Variants in PPARGC1A observed in about 807,000 individuals in gnomAD.
The protein encoded by PPARGC1A is peroxisome proliferator-activated receptor gamma coactivator 1-alpha.
PPARGC1A carries 25 observed loss-of-function variants against 88.7 expected under a neutral mutation model. That is an observed-to-expected ratio of 0.28 (90% confidence interval 0.21 to 0.39). PPARGC1A has a LOEUF of 0.39. PPARGC1A is among the 10% of genes least tolerant of loss of function. PPARGC1A has a pLI of 1.00. For synonymous variants in PPARGC1A, 363 were observed against 355.6 expected (o/e 1.02, Z -0.24); for missense variants, 880 against 968.7 (o/e 0.91, Z 1.22).
chr4:24,453,595 C>T, the PPARGC1A span, among the ~76,000 whole-genome samples: 3 of 152,160 alleles, frequency 2.0e-5, no homozygotes, highest in Non-Finnish European at 2.9e-5. Flanking sequence ...GCCTGACTAA[C>T]GTGGTAAAAC....
the PPARGC1A span, among the ~76,000 whole-genome samples, chr4:24,454,821 T>C: frequency 6.6e-6 from 1 of 151,626 alleles, no homozygotes; most frequent in African/African-American, 2.4e-5. Context: ...TAGTTCCGAG[T>C]CTCAGGCAAG....
At chr4:24,046,882 C>T in the PPARGC1A span, among the ~76,000 whole-genome samples, 1 of 152,028 alleles carries the variant, frequency 6.6e-6, no homozygotes, top group Admixed American at 6.6e-5. Flanking sequence ...GTTCTGGGGC[C>T]CTAGCAAATG....
chr4:24,343,331 G>A, the PPARGC1A span, among the ~76,000 whole-genome samples: 1 of 152,128 alleles, frequency 6.6e-6, no homozygotes, highest in Non-Finnish European at 1.5e-5. Context: ...AAGGCGATTG[G>A]GCCATAAGGA....
the PPARGC1A span, among the ~76,000 whole-genome samples, chr4:24,366,858 A>G: frequency 6.6e-6 from 1 of 152,142 alleles, no homozygotes; most frequent in Non-Finnish European, 1.5e-5. Context: ...AGTATTTTCC[A>G]CCCTTTTCTG....
At chr4:23,890,990 G>A (rs567285132), upstream of PPARGC1A, among the ~76,000 whole-genome samples, 20 of 152,096 alleles carry the variant, frequency 1.3e-4, no homozygotes, top group Non-Finnish European at 1.9e-4. Flanking sequence ...CCTGGGTTGT[G>A]TAGTTTGCGT....
the PPARGC1A span, among the ~76,000 whole-genome samples, chr4:24,104,485 G>C: frequency 6.6e-6 from 1 of 152,116 alleles, no homozygotes; most frequent in Non-Finnish European, 1.5e-5. Flanking sequence ...TTTGTGATCT[G>C]CCAGGCACAG....
At chr4:24,313,480 T>G in the PPARGC1A span, among the ~76,000 whole-genome samples, 1 of 152,240 alleles carries the variant, frequency 6.6e-6, no homozygotes, top group African/African-American at 2.4e-5. Flanking sequence ...TGTAAAAGGC[T>G]TCACATTGCG....
chr4:24,462,660 C>A, the PPARGC1A span, among the ~76,000 whole-genome samples: 2 of 151,238 alleles, frequency 1.3e-5, no homozygotes, highest in Non-Finnish European at 2.9e-5. Flanking sequence ...ATGTAAAGCA[C>A]TTTAAAATGT....
chr4:24,194,640 AC>A, the PPARGC1A span, among the ~76,000 whole-genome samples: 1 of 20,014 alleles, frequency 5.0e-5, no homozygotes, highest in Non-Finnish European at 1.4e-4. Context: ...GCACACACAC[AC>A]ACACACACAC....
At chr4:24,281,066 C>G in the PPARGC1A span, among the ~76,000 whole-genome samples, 1 of 152,160 alleles carries the variant, frequency 6.6e-6, no homozygotes, top group Non-Finnish European at 1.5e-5. Flanking sequence ...ATACATCTAT[C>G]CCATATACAA....
intron 2 of PPARGC1A, chr4:23,876,000 T>C (rs1426751096): frequency 6.6e-6 from 1 of 152,220 alleles, no homozygotes; most frequent in Non-Finnish European, 1.5e-5. Flanking sequence ...TTAAACACAA[T>C]GCTCAAGTTC....
At chr4:24,017,093 C>T in the PPARGC1A span, among the ~76,000 whole-genome samples, 9 of 152,246 alleles carry the variant, frequency 5.9e-5, no homozygotes, top group East Asian at 3.9e-4. Flanking sequence ...TATTGGAGAG[C>T]GTGGGCAGTT....
intron 2 of PPARGC1A, among the ~76,000 whole-genome samples, chr4:23,867,394 G>A (rs747435516): frequency 6.6e-6 from 1 of 152,096 alleles, no homozygotes; most frequent in Non-Finnish European, 1.5e-5. Context: ...TTGATAAATG[G>A]GTCAGTTTAA....
chr4:23,876,355 G>A (rs1280295273), intron 2 of PPARGC1A, among the ~76,000 whole-genome samples: 1 of 152,152 alleles, frequency 6.6e-6, no homozygotes, highest in Non-Finnish European at 1.5e-5. Context: ...TCTGATTTAG[G>A]TGTCTGTGTC....
At chr4:23,881,820 C>A (rs1363786057) in intron 2 of PPARGC1A, 2 of 152,208 alleles carry the variant, frequency 1.3e-5, no homozygotes, top group Non-Finnish European at 2.9e-5. Flanking sequence ...CAGGGCTTTG[C>A]AAATTGGAAG....
the PPARGC1A span, among the ~76,000 whole-genome samples, chr4:24,083,816 C>CA: frequency 6.6e-6 from 1 of 152,160 alleles, no homozygotes; most frequent in Non-Finnish European, 1.5e-5. Context: ...CTAGTTGATC[C>CA]TTCCAAGTAG....
the PPARGC1A span, among the ~76,000 whole-genome samples, chr4:24,387,850 A>AAGAG: frequency 5.5e-5 from 4 of 72,620 alleles, no homozygotes; most frequent in Admixed American, 1.6e-4. Flanking sequence ...GAGAGAGAGA[A>AAGAG]AGAGAGAAAG....
chr4:23,881,367 A>C (rs967926613), intron 2 of PPARGC1A: 1 of 152,160 alleles, frequency 6.6e-6, no homozygotes, highest in Non-Finnish European at 1.5e-5. Context: ...TTGCGTGTCC[A>C]GTTACTCAAC....
chr4:24,404,580 T>C, the PPARGC1A span, among the ~76,000 whole-genome samples: 1 of 152,110 alleles, frequency 6.6e-6, no homozygotes, highest in Non-Finnish European at 1.5e-5. Flanking sequence ...TATAAGGTAC[T>C]AACATCCTTA....
Sources: allele counts gnomAD v4.1 joint callset (sites outside exome capture counted in the v4.1 genomes callset), GRCh38; gene constraint gnomAD v4.1.1; transcripts MANE v1.5; gene names NCBI Gene and HGNC (gene_info 2026-07-23, HGNC 2026-07-21).